KCNH7: variants seen among roughly 807,000 people sequenced by gnomAD.
The protein encoded by KCNH7 is voltage-gated inwardly rectifying potassium channel KCNH7.
A neutral mutation model predicts 120.8 loss-of-function variants in KCNH7; 49 were observed. That is an observed-to-expected ratio of 0.41 (90% CI 0.32 to 0.51). The LOEUF is 0.51. KCNH7 is among the 20% of genes least tolerant of loss of function. The probability of loss-of-function intolerance (pLI) is 0.38; values close to 1 mark genes in which losing one functional copy is unlikely to be tolerated. For synonymous variants in KCNH7, 547 were observed against 516.1 expected (o/e 1.06, Z -0.81); for missense variants, 1,097 against 1,446.6 (o/e 0.76, Z 3.92).
At chr2:162,783,607 G>A (rs1683586769) in intron 2 of KCNH7, among the ~76,000 whole-genome samples, 1 of 152,132 alleles carries the variant, frequency 6.6e-6, no homozygotes, top group Non-Finnish European at 1.5e-5. Flanking sequence ...TGGAAAATGA[G>A]AGCAGATGTT....
intron 2 of KCNH7, among the ~76,000 whole-genome samples, chr2:162,737,538 A>T (rs1212245747): frequency 6.6e-6 from 1 of 152,018 alleles, no homozygotes; most frequent in Non-Finnish European, 1.5e-5. Context: ...AATAAATAAG[A>T]CCCCTCTTAA....
intron 6 of KCNH7, among the ~76,000 whole-genome samples, chr2:162,493,128 C>G (rs1690378733): frequency 6.6e-6 from 1 of 152,000 alleles, no homozygotes; most frequent in Admixed American, 6.6e-5. Flanking sequence ...TCCAGGTATG[C>G]CTGCTTTTTG....
intron 7 of KCNH7, among the ~76,000 whole-genome samples, chr2:162,442,228 GT>G (rs1688444792): frequency 6.6e-6 from 1 of 151,226 alleles, no homozygotes; most frequent in African/African-American, 2.4e-5. Context: ...GGGTTTCACC[GT>G]GTTAGACAGG....
chr2:162,670,017 T>C (rs1027771121), intron 2 of KCNH7, among the ~76,000 whole-genome samples: 3 of 152,058 alleles, frequency 2.0e-5, no homozygotes, highest in African/African-American at 7.2e-5. Flanking sequence ...GGAGAATCAC[T>C]TGAACCCAGG....
chr2:162,699,681 A>C (rs538096905), intron 2 of KCNH7, among the ~76,000 whole-genome samples: 2 of 152,258 alleles, frequency 1.3e-5, no homozygotes, highest in African/African-American at 4.8e-5. Flanking sequence ...TTTGCTTTTA[A>C]CTTAGTAAAT....
intron 2 of KCNH7, among the ~76,000 whole-genome samples, chr2:162,729,290 T>A (rs1039918295): frequency 2.6e-5 from 4 of 151,648 alleles, no homozygotes; most frequent in African/African-American, 7.3e-5. Flanking sequence ...CTCAGCCTCC[T>A]GAGTAGCTGG....
At chr2:162,516,672 G>C (rs1306718691) in intron 4 of KCNH7, among the ~76,000 whole-genome samples, 1 of 151,730 alleles carries the variant, frequency 6.6e-6, no homozygotes, top group African/African-American at 2.4e-5. Context: ...AAGCGGGTCT[G>C]ATGTACCCAT....
intron 2 of KCNH7, among the ~76,000 whole-genome samples, chr2:162,612,026 C>A (rs902291502): frequency 1.3e-5 from 2 of 152,154 alleles, no homozygotes; most frequent in East Asian, 3.8e-4. Context: ...AATTTCACTT[C>A]TATTTTCAGC....
chr2:162,714,759 T>A (rs1399548877), intron 2 of KCNH7, among the ~76,000 whole-genome samples: 1 of 152,200 alleles, frequency 6.6e-6, no homozygotes, highest in African/African-American at 2.4e-5. Flanking sequence ...GGTGAAACTT[T>A]ATGGACACTG....
chr2:162,557,335 T>C (rs934534403), intron 2 of KCNH7, among the ~76,000 whole-genome samples: 78 of 152,292 alleles, frequency 5.1e-4, no homozygotes, highest in African/African-American at 1.8e-3. Flanking sequence ...GGGCGTTCAA[T>C]TGCAAACTTT....
At chr2:162,676,394 G>A (rs573707108) in intron 2 of KCNH7, among the ~76,000 whole-genome samples, 16 of 151,658 alleles carry the variant, frequency 1.1e-4, no homozygotes, top group African/African-American at 3.6e-4. Context: ...AACAGGTATA[G>A]TTCATGTTCT....
intron 3 of KCNH7, among the ~76,000 whole-genome samples, chr2:162,523,576 C>T (rs1328040895): frequency 6.6e-6 from 1 of 151,618 alleles, no homozygotes; most frequent in African/African-American, 2.4e-5. Context: ...CTACTTCTTT[C>T]CTGTGTGAAT....
At chr2:162,631,778 G>C (rs1441643535) in intron 2 of KCNH7, among the ~76,000 whole-genome samples, 1 of 152,118 alleles carries the variant, frequency 6.6e-6, no homozygotes, top group Admixed American at 6.5e-5. Flanking sequence ...TTTGAAGTCA[G>C]GGAGAGTAGA....
At chr2:162,719,598 C>T (rs904594953) in intron 2 of KCNH7, among the ~76,000 whole-genome samples, 4 of 151,854 alleles carry the variant, frequency 2.6e-5, no homozygotes, top group Non-Finnish European at 5.9e-5. Context: ...AAAGAACTCC[C>T]AGACTAGGAA....
At chr2:162,727,353 T>G (rs1687568677) in intron 2 of KCNH7, among the ~76,000 whole-genome samples, 1 of 152,200 alleles carries the variant, frequency 6.6e-6, no homozygotes, top group South Asian at 2.1e-4. Context: ...AAATTCATGT[T>G]AATAAAATAT....
intron 12 of KCNH7, among the ~76,000 whole-genome samples, chr2:162,393,180 G>A (rs1390815196): frequency 6.6e-6 from 1 of 151,958 alleles, no homozygotes; most frequent in Non-Finnish European, 1.5e-5. Context: ...GATGAATAGA[G>A]TCACCATCTG....
chr2:162,492,844 GT>G (rs1293953203), intron 6 of KCNH7, among the ~76,000 whole-genome samples: 4 of 51,140 alleles, frequency 7.8e-5, no homozygotes, highest in Admixed American at 1.6e-4. Flanking sequence ...AGGACTCTAT[GT>G]TTTTCTCTTC....
chr2:162,475,337 A>G (rs1040190805), intron 6 of KCNH7, among the ~76,000 whole-genome samples: 82 of 152,338 alleles, frequency 5.4e-4, no homozygotes, highest in African/African-American at 1.9e-3. Context: ...TTGTCTCACA[A>G]AATATATTTT....
At chr2:162,455,729 G>T (rs1191482017) in intron 6 of KCNH7, among the ~76,000 whole-genome samples, 1 of 152,050 alleles carries the variant, frequency 6.6e-6, no homozygotes, top group African/African-American at 2.4e-5. Context: ...TTGCATAGAG[G>T]TGTTTATATT....
Sources: gnomAD v4.1 joint callset for allele counts (sites outside exome capture counted in the v4.1 genomes callset) on GRCh38, gnomAD v4.1.1 for gene constraint, MANE v1.5 for transcripts, NCBI Gene and HGNC (gene_info 2026-07-23, HGNC 2026-07-21) for gene names.